CSMD1: variants seen among roughly 807,000 people sequenced by gnomAD.
The protein encoded by CSMD1 is CUB and Sushi multiple domains 1.
Under a neutral mutation model 417.5 loss-of-function variants are expected in CSMD1, and 213 were observed. That is an observed-to-expected ratio of 0.51 (90% CI 0.46 to 0.57). The LOEUF (loss-of-function observed/expected upper bound fraction) is 0.57, where lower values mean the gene tolerates loss of function less well. Among genes scored for constraint, CSMD1 ranks in the 20% least tolerant of loss-of-function variants. CSMD1 has a pLI of 0.00. For synonymous variants in CSMD1, 2,862 were observed against 1,736.8 expected (o/e 1.65, Z -16.11); for missense variants, 6,923 against 4,529.7 (o/e 1.53, Z -15.17).
intron 11 of CSMD1, among the ~76,000 whole-genome samples, chr8:3,486,890 G>A (rs931602969): frequency 2.3e-4 from 35 of 152,296 alleles, no homozygotes; most frequent in African/African-American, 3.6e-4. Flanking sequence ...AAACCACACA[G>A]GGTGTCCAGA....
At chr8:4,003,855 A>G (rs1815895631) in intron 4 of CSMD1, among the ~76,000 whole-genome samples, 1 of 130,598 alleles carries the variant, frequency 7.7e-6, no homozygotes, top group South Asian at 2.6e-4. Context: ...CTATTTAATC[A>G]CATCCAAAAC....
chr8:4,887,790 C>T (rs900178979), intron 1 of CSMD1, among the ~76,000 whole-genome samples: 1 of 151,776 alleles, frequency 6.6e-6, no homozygotes. Flanking sequence ...TGTCTCACTT[C>T]GTTTCTAGTG....
chr8:3,262,757 G>C (rs879327513), intron 26 of CSMD1, among the ~76,000 whole-genome samples: 5 of 152,044 alleles, frequency 3.3e-5, no homozygotes, highest in Admixed American at 6.6e-5. Context: ...AATAAGCTTA[G>C]TGTTTAACAA....
intron 1 of CSMD1, among the ~76,000 whole-genome samples, chr8:4,708,340 C>T (rs753858754): frequency 6.6e-6 from 1 of 152,130 alleles, no homozygotes; most frequent in Non-Finnish European, 1.5e-5. Context: ...AATGTAAGCT[C>T]CGTGAACATT....
In CSMD1 at chr8:3,830,007, A is replaced by G. The variant is rs181888832; in HGVS notation, c.819-75965T>C. Reference sequence around the variant, plus strand: ...TTTATACATTTGTTTTCCTTTGTTAACAAGGTAAGTGGATTTCAGGTCTAA... The same window carrying G: ...TTTATACATTTGTTTTCCTTTGTTAGCAAGGTAAGTGGATTTCAGGTCTAA... On this transcript the variant is annotated intron_variant, in intron 5 of 69. Transcript: ENST00000635120. Among the ~76,000 whole-genome samples, 182 of 152,276 alleles carry G rather than the reference A, an allele frequency of 1.2e-3. 1 individual carries two copies. The highest frequency in any genetic ancestry group is 2.9e-4 in the Non-Finnish European group (20 of 68,030).
intron 5 of CSMD1, among the ~76,000 whole-genome samples, chr8:3,815,652 C>G (rs1251072076): frequency 6.9e-6 from 1 of 144,626 alleles, no homozygotes; most frequent in Non-Finnish European, 1.5e-5. Flanking sequence ...AACAAATAAA[C>G]AACCTAGACA....
intron 26 of CSMD1, among the ~76,000 whole-genome samples, chr8:3,279,350 G>T (rs528712079): frequency 2.5e-4 from 38 of 152,238 alleles, no homozygotes; most frequent in African/African-American, 8.2e-4. Flanking sequence ...AAATAGACTG[G>T]TATTGGACTT....
intron 3 of CSMD1, among the ~76,000 whole-genome samples, chr8:4,072,335 A>G (rs565172996): frequency 1.3e-5 from 2 of 152,180 alleles, no homozygotes; most frequent in Non-Finnish European, 2.9e-5. Flanking sequence ...CTTCTACTTG[A>G]CACAAACGTA....
At chr8:3,861,803 T>C (rs983339646) in intron 5 of CSMD1, among the ~76,000 whole-genome samples, 3 of 152,220 alleles carry the variant, frequency 2.0e-5, no homozygotes, top group South Asian at 2.1e-4. Context: ...CTTATCTTTC[T>C]AAGTGTGCCG....
At chr8:4,088,399 C>T (rs1013009830) in intron 3 of CSMD1, among the ~76,000 whole-genome samples, 5 of 152,214 alleles carry the variant, frequency 3.3e-5, no homozygotes, top group African/African-American at 1.2e-4. Flanking sequence ...GTCGGTAACA[C>T]CTTTTCTCAG....
At position 4,179,715 on chromosome 8, in the gene CSMD1, C is replaced by T. The variant is rs867512163; in HGVS notation, c.416-147616G>A. Among the ~76,000 whole-genome samples, 58 of 148,334 alleles carry T rather than the reference C, an allele frequency of 3.9e-4. 1 individual carries two copies. In the Middle Eastern group the frequency reaches 0.017, roughly 44 times the overall value. Reference sequence around the variant, plus strand: ...GCTAATATCCAGAATCTACAATGAACTCCAACAAATTTACAAGAAAAAAAC... The same window carrying T: ...GCTAATATCCAGAATCTACAATGAATTCCAACAAATTTACAAGAAAAAAAC... On this transcript the variant is annotated intron_variant, in intron 3 of 69. Coordinates refer to ENST00000635120, the MANE Select transcript of CSMD1 (RefSeq NM_033225.6).
At chr8:3,201,873 G>A in intron 31 of CSMD1, 148 bp from the exon 32 acceptor site, 2 of 462,894 alleles carry the variant, frequency 4.3e-6, no homozygotes, top group Non-Finnish European at 7.5e-6. Context: ...TATTTTCTCT[G>A]CTTTCTAAGT....
At chr8:3,961,123 T>C (rs1055020261) in intron 5 of CSMD1, among the ~76,000 whole-genome samples, 37 of 152,274 alleles carry the variant, frequency 2.4e-4, no homozygotes, top group African/African-American at 8.4e-4. Flanking sequence ...TAATTAAAAA[T>C]TGCATCTCTT....
chr8:4,304,159 G>A (rs1173086529), intron 3 of CSMD1, among the ~76,000 whole-genome samples: 1 of 152,054 alleles, frequency 6.6e-6, no homozygotes, highest in East Asian at 1.9e-4. Flanking sequence ...ACAATTAGAA[G>A]GACATAAACC....
chr8:4,197,282 G>T (rs185970366), intron 3 of CSMD1, among the ~76,000 whole-genome samples: 38 of 152,280 alleles, frequency 2.5e-4, no homozygotes, highest in Non-Finnish European at 5.1e-4. Context: ...GAAGTATTAG[G>T]CATTAAGTAT....
intron 26 of CSMD1, among the ~76,000 whole-genome samples, chr8:3,255,926 G>C (rs1251532198): frequency 6.6e-6 from 1 of 152,156 alleles, no homozygotes; most frequent in East Asian, 1.9e-4. Context: ...ACCTCAGTTG[G>C]AAATGCAGAA....
intron 3 of CSMD1, among the ~76,000 whole-genome samples, chr8:4,368,317 T>G (rs889113590): frequency 2.0e-5 from 3 of 152,164 alleles, no homozygotes; most frequent in African/African-American, 7.2e-5. Flanking sequence ...TAAACCAACT[T>G]TAGATCACAG....
intron 1 of CSMD1, among the ~76,000 whole-genome samples, chr8:4,948,092 A>C (rs553957239): frequency 6.6e-6 from 1 of 152,116 alleles, no homozygotes; most frequent in Non-Finnish European, 1.5e-5. Context: ...ATTTTTTTTT[A>C]AGTGCCAATT....
At chr8:3,400,752 C>G (rs1185234640) in intron 15 of CSMD1, among the ~76,000 whole-genome samples, 1 of 151,526 alleles carries the variant, frequency 6.6e-6, no homozygotes, top group Non-Finnish European at 1.5e-5. Flanking sequence ...AAATTAAAAA[C>G]ATGTTAATAA....
Sources: allele counts gnomAD v4.1 joint callset (sites outside exome capture counted in the v4.1 genomes callset), GRCh38; gene constraint gnomAD v4.1.1; transcripts MANE v1.5; gene names NCBI Gene and HGNC (gene_info 2026-07-23, HGNC 2026-07-21).